The following ATP7A variants were observed in gnomAD, a reference collection of about 807,000 sequenced individuals.
ATP7A encodes the protein ATPase copper transporting alpha, also known as copper-transporting ATPase 1.
In ATP7A, 7 loss-of-function variants were observed where a neutral mutation model predicts 83.5. The observed-to-expected ratio is 0.08, with a 90% CI of 0.05 to 0.16. The LOEUF (loss-of-function observed/expected upper bound fraction) is 0.16. Ranked by LOEUF, ATP7A falls within the 10% of genes least tolerant of loss-of-function variation. The pLI is 1.00. For synonymous variants in ATP7A, 354 were observed against 395.2 expected (o/e 0.90, Z 1.24); for missense variants, 940 against 1,120.8 (o/e 0.84, Z 2.30).
intron 17 of ATP7A, among the ~76,000 whole-genome samples, chrX:78,035,637 A>G (rs1365104862): frequency 9.1e-6 from 1 of 110,458 alleles, no homozygotes; most frequent in Non-Finnish European, 1.9e-5. Flanking sequence ...TGCATCACTC[A>G]TCTTCTTTTT....
At chrX:78,021,872 G>T (rs1557235823) in intron 14 of ATP7A, among the ~76,000 whole-genome samples, 1 of 111,284 alleles carries the variant, frequency 9.0e-6, no homozygotes, top group Non-Finnish European at 1.9e-5. Context: ...AAACCGGACT[G>T]CTGGTCCCAG....
At chrX:77,931,460 A>G (rs1557224225) in intron 1 of ATP7A, among the ~76,000 whole-genome samples, 1 of 111,459 alleles carries the variant, frequency 9.0e-6, no homozygotes, top group Admixed American at 9.4e-5. Context: ...TCTTTTCCCC[A>G]CCTTTCCTCC....
At chrX:78,036,074 G>A (rs1030178290) in intron 17 of ATP7A, among the ~76,000 whole-genome samples, 3 of 111,868 alleles carry the variant, frequency 2.7e-5, no homozygotes, top group Non-Finnish European at 5.6e-5. Flanking sequence ...TGTGTGTCAT[G>A]CACTGTTCAA....
At chrX:77,962,721 G>A (rs2077480574) in intron 1 of ATP7A, 1 of 385,662 alleles carries the variant, frequency 2.6e-6, no homozygotes, top group African/African-American at 2.6e-5. Context: ...GGAGGAAGTG[G>A]GGCTGCAGAT....
chrX:78,009,407 A>G (rs782051056), intron 7 of ATP7A, 144 bp downstream of exon 7: 3 of 732,649 alleles, frequency 4.1e-6, no homozygotes, highest in Non-Finnish European at 6.3e-6. Flanking sequence ...CTCAAAATTT[A>G]ATGTAAACGT....
rs1312243247 is a variant in ATP7A, at chrX:78,036,859, G to A, written c.3512-1977G>A. Among the ~76,000 whole-genome samples the A allele has an allele frequency of 5.4e-5, 6 of 111,617 alleles. No homozygotes were observed. In the Admixed American group the frequency reaches 5.7e-4, roughly 11 times the overall value. On this transcript the variant is annotated intron_variant, in intron 17 of 22. Coordinates refer to ENST00000341514, the MANE Select transcript of ATP7A (RefSeq NM_000052.7). ...TGAGTTGGTGGACATTGTCATAATCGAGGTGAAACATAATGGTAGCTTGGA... is the reference window on the plus strand; with the variant it reads ...TGAGTTGGTGGACATTGTCATAATCAAGGTGAAACATAATGGTAGCTTGGA...
At position 78,011,195 on chromosome X, in the gene ATP7A, C is replaced by A; in HGVS notation, c.1889C>A (p.Ser630Tyr). The stretch of plus-strand genomic sequence containing the variant: ...CCTTAGAGCTTAGGTTTTGAAGCTT[C>A]TTTGGTCAAGAAGGATCGGTCAGCA... ...HTIESLGFEA[S>Y]LVKKDRSASH... Residue 630 changes from serine to tyrosine, a missense_variant, in exon 8 of 23, where the codon TCT (serine) becomes TAT (tyrosine). Ser to Tyr is a moderately radical substitution (Grantham distance 144). Around this residue, in one of 3 missense-constraint regions of ATP7A, gnomAD observed 204 missense variants for 185.8 expected, o/e 1.10. Coordinates refer to ENST00000341514, the MANE Select transcript of ATP7A (RefSeq NM_000052.7). 1 of 1,210,299 alleles carries A rather than the reference C, an allele frequency of 8.3e-7. No individual in the cohort carries two copies. Among genetic ancestry groups the A allele is most frequent in the Non-Finnish European group, 1.1e-6 (1 of 894,468 alleles).
chrX:78,024,353 G>A (rs1416449683), intron 14 of ATP7A, among the ~76,000 whole-genome samples: 2 of 111,809 alleles, frequency 1.8e-5, no homozygotes, highest in African/African-American at 6.5e-5. Context: ...TATAGGAATT[G>A]TGTTGAATCT....
Position 78,002,058 on chromosome X carries a change from A to G in ATP7A, c.1544-1015A>G, listed in dbSNP as rs190256777. Among the ~76,000 whole-genome samples, 88 of 101,810 alleles carry G rather than the reference A, an allele frequency of 8.6e-4. 1 individual carries two copies. Among genetic ancestry groups the G allele is most frequent in the African/African-American group, 2.8e-3 (76 of 27,497 alleles). 88.4% of individuals were successfully genotyped at this position (101,810 alleles called of 115,157 possible). ...GCTACAATTATGATTTCATAAGTGC[A>G]TGAGTTCCTTTCTCTATTTTTTTTT... On this transcript the variant is annotated intron_variant, in intron 5 of 22. Transcript: ENST00000341514.
chrX:78,014,989 TA>T (rs1474816123), intron 11 of ATP7A, among the ~76,000 whole-genome samples: 2 of 111,925 alleles, frequency 1.8e-5, no homozygotes, highest in African/African-American at 6.5e-5. Flanking sequence ...GTGTTATCTC[TA>T]AAAAAGGATA....
chrX:78,037,906 T>G (rs2078023119), intron 17 of ATP7A, among the ~76,000 whole-genome samples: 1 of 106,653 alleles, frequency 9.4e-6, no homozygotes, highest in East Asian at 3.0e-4. Flanking sequence ...CCAATAGAGA[T>G]ACTTTTGGAA....
intron 1 of ATP7A, among the ~76,000 whole-genome samples, chrX:77,932,913 G>A (rs1486580375): frequency 9.2e-6 from 1 of 108,939 alleles, no homozygotes; most frequent in Non-Finnish European, 1.9e-5. Context: ...GGGAGAGGGG[G>A]ACCGTGGGGA....
At chrX:77,947,176 T>G (rs2077384851) in intron 1 of ATP7A, among the ~76,000 whole-genome samples, 1 of 111,739 alleles carries the variant, frequency 8.9e-6, no homozygotes, top group East Asian at 2.8e-4. Context: ...GGACAAATAT[T>G]ATATGAGTTT....
At chrX:77,924,951 C>A (rs1279427151) in intron 1 of ATP7A, among the ~76,000 whole-genome samples, 2 of 111,713 alleles carry the variant, frequency 1.8e-5, no homozygotes, top group Non-Finnish European at 3.8e-5. Context: ...CTCGGCCTCC[C>A]AAAGTGCTGG....
chrX:77,965,728 AG>A (rs1329557281), intron 1 of ATP7A, among the ~76,000 whole-genome samples: 1 of 112,380 alleles, frequency 8.9e-6, no homozygotes, highest in Non-Finnish European at 1.9e-5. Context: ...AATAGCCAAA[AG>A]ATGGAAACAA....
At chrX:77,967,219 G>A (rs782617418) in intron 1 of ATP7A, among the ~76,000 whole-genome samples, 3 of 112,008 alleles carry the variant, frequency 2.7e-5, no homozygotes, top group Non-Finnish European at 5.6e-5. Context: ...ACATACGTGT[G>A]CATGTGTCTT....
intron 6 of ATP7A, 45 bp downstream of exon 6, chrX:78,003,281 A>T: frequency 8.7e-7 from 1 of 1,145,267 alleles, no homozygotes. Flanking sequence ...CCAGAAAAAA[A>T]ACTTGGTAAG....
At chrX:78,007,350 G>C (rs1009701030) in intron 6 of ATP7A, among the ~76,000 whole-genome samples, 1 of 109,751 alleles carries the variant, frequency 9.1e-6, no homozygotes, top group Admixed American at 9.7e-5. Flanking sequence ...TTTTGAGACG[G>C]AGTCTCGCTC....
rs199608277 is a variant in ATP7A at position 77,989,327 on chromosome X, A to C, written c.705A>C (p.Pro235=). Residue 235 remains proline, a synonymous_variant, in exon 4 of 23, where the codon CCA becomes CCC. Coordinates refer to ENST00000341514, the MANE Select transcript of ATP7A (RefSeq NM_000052.7). ...MKKQIEAMGF[P]AFVKKQPKYL... ...AGCAGATTGAAGCTATGGGCTTTCC[A>C]GCATTTGTCAAAAAGCAGCCCAAGT... is the stretch of plus-strand genomic sequence containing the variant. 3.3e-5 allele frequency: 40 copies of C among 1,209,813 alleles called. No homozygotes were observed. In the East Asian group the frequency reaches 1.2e-3, roughly 36 times the overall value.
Sources: allele counts gnomAD v4.1 joint callset (sites outside exome capture counted in the v4.1 genomes callset), GRCh38; gene constraint gnomAD v4.1.1; regional missense constraint gnomAD v4.1.1; transcripts MANE v1.5; gene names NCBI Gene and HGNC (gene_info 2026-07-23, HGNC 2026-07-21).